RSRC1: variants seen among roughly 807,000 people sequenced by gnomAD.
RSRC1 encodes arginine and serine rich coiled-coil 1.
A neutral mutation model predicts 49.1 loss-of-function variants in RSRC1; 39 were observed. That is an observed-to-expected ratio of 0.79 (90% CI 0.61 to 1.04). The LOEUF (loss-of-function observed/expected upper bound fraction) is 1.04. Ranked by LOEUF, RSRC1 falls within the 50% of genes least tolerant of loss-of-function variation. The pLI is 0.00. For synonymous variants in RSRC1, 143 were observed against 130.8 expected, an observed-to-expected ratio of 1.09 and a Z score of -0.63; for missense variants, 388 against 402.4, an observed-to-expected ratio of 0.96 and a Z score of 0.31.
intron 7 of RSRC1, among the ~76,000 whole-genome samples, chr3:158,517,336 T>A (rs547422685): frequency 6.6e-6 from 1 of 152,168 alleles, no homozygotes; most frequent in African/African-American, 2.4e-5. Flanking sequence ...GTTATATCAT[T>A]TCTTTCTTTT....
At chr3:158,224,266 G>A (rs76963961) in intron 4 of RSRC1, among the ~76,000 whole-genome samples, 2,059 of 151,774 alleles carry the variant, frequency 0.014, 22 homozygotes, top group Middle Eastern at 0.031. Flanking sequence ...ATTATCGTCA[G>A]CATACGCTTT....
At chr3:158,322,671 C>T (rs184531375) in intron 5 of RSRC1, among the ~76,000 whole-genome samples, 20 of 152,238 alleles carry the variant, frequency 1.3e-4, no homozygotes, top group Middle Eastern at 3.4e-3. Context: ...CCATTACTTC[C>T]TCAAGTATTT....
chr3:158,302,145 T>C (rs1187364282), intron 5 of RSRC1, among the ~76,000 whole-genome samples: 1 of 152,098 alleles, frequency 6.6e-6, no homozygotes, highest in Non-Finnish European at 1.5e-5. Flanking sequence ...TCTGAGATTT[T>C]AGCCTGCTTG....
chr3:158,291,505 G>T (rs1183977510), intron 4 of RSRC1, among the ~76,000 whole-genome samples: 3 of 152,128 alleles, frequency 2.0e-5, no homozygotes, highest in South Asian at 4.1e-4. Flanking sequence ...TCTTAAATTT[G>T]TTTTTAAGTA....
intron 4 of RSRC1, among the ~76,000 whole-genome samples, chr3:158,284,933 A>G (rs922593121): frequency 6.6e-6 from 1 of 151,984 alleles, no homozygotes; most frequent in Admixed American, 6.6e-5. Flanking sequence ...TTTTGTTGCC[A>G]TTGCTTTTGG....
chr3:158,320,284 A>G (rs1728689651), intron 5 of RSRC1, among the ~76,000 whole-genome samples: 1 of 152,242 alleles, frequency 6.6e-6, no homozygotes, highest in South Asian at 2.1e-4. Flanking sequence ...CTAGTGATCC[A>G]TACACAAATT....
intron 4 of RSRC1, among the ~76,000 whole-genome samples, chr3:158,229,239 T>C (rs1215396863): frequency 5.3e-5 from 8 of 151,142 alleles, no homozygotes; most frequent in African/African-American, 1.5e-4. Flanking sequence ...TATGTGTATG[T>C]ATGTATATAA....
At chr3:158,213,350 G>A (rs569634249) in intron 4 of RSRC1, among the ~76,000 whole-genome samples, 1 of 151,906 alleles carries the variant, frequency 6.6e-6, no homozygotes, top group South Asian at 2.1e-4. Context: ...AGATTTCAAG[G>A]CAATGAAAGT....
At chr3:158,130,784 T>A (rs1715966506) in intron 3 of RSRC1, among the ~76,000 whole-genome samples, 1 of 152,196 alleles carries the variant, frequency 6.6e-6, no homozygotes, top group African/African-American at 2.4e-5. Context: ...GAAATATAAG[T>A]AATTTTGTAC....
chr3:158,195,063 G>A (rs1440997871), intron 3 of RSRC1, among the ~76,000 whole-genome samples: 2 of 152,154 alleles, frequency 1.3e-5, no homozygotes, highest in East Asian at 1.9e-4. Flanking sequence ...GATCCCTGAG[G>A]AATAGCCACA....
chr3:158,173,742 G>C (rs997978049), intron 3 of RSRC1, among the ~76,000 whole-genome samples: 3 of 151,800 alleles, frequency 2.0e-5, no homozygotes, highest in African/African-American at 7.3e-5. Context: ...AACAAAATGT[G>C]GTATATCTCT....
At chr3:158,344,123 G>A (rs115013878) in intron 5 of RSRC1, among the ~76,000 whole-genome samples, 2,662 of 152,228 alleles carry the variant, frequency 0.017, 60 homozygotes, top group African/African-American at 0.061. Context: ...GCCGGGCATG[G>A]TGCCATGCGC....
intron 4 of RSRC1, among the ~76,000 whole-genome samples, chr3:158,244,308 T>C (rs1195193101): frequency 6.6e-6 from 1 of 152,232 alleles, no homozygotes; most frequent in African/African-American, 2.4e-5. Flanking sequence ...AATACTTAAT[T>C]TACTGAGACT....
At chr3:158,329,169 G>C (rs897113096) in intron 5 of RSRC1, among the ~76,000 whole-genome samples, 1 of 152,244 alleles carries the variant, frequency 6.6e-6, no homozygotes, top group Middle Eastern at 3.4e-3. Flanking sequence ...TATCTTCTTT[G>C]CATTGGGATC....
chr3:158,167,470 C>A (rs1308357610), intron 3 of RSRC1, among the ~76,000 whole-genome samples: 1 of 152,192 alleles, frequency 6.6e-6, no homozygotes, highest in Middle Eastern at 3.2e-3. Flanking sequence ...GGATTACAGG[C>A]GTGAACCACT....
intron 6 of RSRC1, among the ~76,000 whole-genome samples, chr3:158,434,631 A>G (rs1482312502): frequency 3.3e-5 from 5 of 151,934 alleles, no homozygotes; most frequent in Non-Finnish European, 5.9e-5. Flanking sequence ...CGGGTGCTGT[A>G]TATTTACCAC....
At position 158,472,080 on chromosome 3, in the gene RSRC1, T is replaced by G. The variant is rs185054234; in HGVS notation, c.652+11077T>G. On this transcript the variant is annotated intron_variant, in intron 7 of 9. Coordinates refer to ENST00000611884, the MANE Select transcript of RSRC1 (RefSeq NM_001271838.2). Reference sequence around the variant, plus strand: ...ATGTAACAGCAACATTCTAGGTACCTTAGTCATTTTTATTATATTTAATTA... The same window carrying G: ...ATGTAACAGCAACATTCTAGGTACCGTAGTCATTTTTATTATATTTAATTA... 1.4e-3 allele frequency among the ~76,000 whole-genome samples: 212 copies of G among 152,242 alleles called. 1 individual carries two copies. Among genetic ancestry groups the G allele is most frequent in the African/African-American group, 4.9e-3 (204 of 41,570 alleles).
intron 3 of RSRC1, among the ~76,000 whole-genome samples, chr3:158,194,426 G>A (rs1720427145): frequency 6.6e-6 from 1 of 150,670 alleles, no homozygotes. Flanking sequence ...TATAAACAGT[G>A]TTGTCATGAA....
intron 4 of RSRC1, among the ~76,000 whole-genome samples, chr3:158,264,336 C>A (rs981775724): frequency 2.0e-5 from 3 of 152,094 alleles, no homozygotes; most frequent in African/African-American, 7.2e-5. Flanking sequence ...TTCTAGATAT[C>A]TTTTTGTAAC....
Sources: gnomAD v4.1 joint callset for allele counts (sites outside exome capture counted in the v4.1 genomes callset) on GRCh38, gnomAD v4.1.1 for gene constraint, MANE v1.5 for transcripts, NCBI Gene and HGNC (gene_info 2026-07-23, HGNC 2026-07-21) for gene names.